The following SAMM50 variants were observed in gnomAD, a reference collection of about 807,000 sequenced individuals.
SAMM50 encodes the protein SAMM50 sorting and assembly machinery component, also known as sorting and assembly machinery component 50 homolog.
Under a neutral mutation model 66.9 loss-of-function variants are expected in SAMM50, and 47 were observed. The ratio of observed to expected loss-of-function variants is 0.70; its 90% confidence interval spans 0.56 to 0.90. The LOEUF (loss-of-function observed/expected upper bound fraction) is 0.90. Among genes scored for constraint, SAMM50 ranks in the 40% least tolerant of loss-of-function variants. The pLI, the probability that SAMM50 is intolerant of heterozygous loss-of-function variation, is 0.00. For missense variants in SAMM50, 535 were observed against 595.3 expected (o/e 0.90, Z 1.05); for synonymous variants, 191 against 214.1 (o/e 0.89, Z 0.94).
Position 43,983,743 on chromosome 22 carries a change from G to A in SAMM50, c.1008-190G>A, listed in dbSNP as rs545717112. 6.6e-6 allele frequency among the ~76,000 whole-genome samples: 1 copy of A among 152,272 alleles called. No homozygotes were observed. The highest frequency in any genetic ancestry group is 2.4e-5 in the African/African-American group (1 of 41,556). On this transcript the variant is annotated intron_variant, in intron 11 of 14. Coordinates refer to ENST00000350028, the MANE Select transcript of SAMM50 (RefSeq NM_015380.5). This position sits in a 1 kb window ranked among gnomAD's most constrained non-coding sequence, Gnocchi z 4.2. ...CAAAGTTTGCAGTGTCTCCTTAGATGTTGAGATTTTTATGAAATTCCCCTG... is the reference window on the plus strand; with the variant it reads ...CAAAGTTTGCAGTGTCTCCTTAGATATTGAGATTTTTATGAAATTCCCCTG...
chr22:43,974,193 C>T (rs900485919), intron 7 of SAMM50, among the ~76,000 whole-genome samples: 7 of 152,136 alleles, frequency 4.6e-5, no homozygotes, highest in African/African-American at 1.4e-4. Flanking sequence ...AATGCACATT[C>T]GCGGGCTCCA....
intron 10 of SAMM50, among the ~76,000 whole-genome samples, chr22:43,979,822 A>C (rs1391341189): frequency 1.3e-5 from 2 of 151,886 alleles, no homozygotes; most frequent in East Asian, 1.9e-4. Context: ...TTTGTTTCCC[A>C]GAAGGCATTG....
chr22:43,977,399 G>C (rs1350858847), intron 9 of SAMM50, among the ~76,000 whole-genome samples: 1 of 152,224 alleles, frequency 6.6e-6, no homozygotes, highest in Non-Finnish European at 1.5e-5. Context: ...GAACCTTGAG[G>C]CTTCCCCGAG....
chr22:43,963,898 TG>T (rs2050159759), intron 2 of SAMM50, among the ~76,000 whole-genome samples: 1 of 148,452 alleles, frequency 6.7e-6, no homozygotes, highest in South Asian at 2.1e-4. Flanking sequence ...AGTTTTGTTT[TG>T]TTTTTTTTAT....
intron 1 of SAMM50, among the ~76,000 whole-genome samples, chr22:43,960,418 G>T (rs2050141926): frequency 1.3e-5 from 2 of 152,150 alleles, no homozygotes; most frequent in Non-Finnish European, 2.9e-5. Context: ...GTACTTCCGA[G>T]GTGCCAGGGC....
Position 43,989,264 on chromosome 22 carries a change from C to T in SAMM50, c.1222+7C>T. ...CTCTGCAACCTCAACTATGGTAAAACTTGCGCTATTCAAGAAACCATTGTA... is the reference window on the plus strand; with the variant it reads ...CTCTGCAACCTCAACTATGGTAAAATTTGCGCTATTCAAGAAACCATTGTA... On this transcript the variant is annotated splice_region_variant and intron_variant, in intron 13 of 14. Coordinates refer to ENST00000350028, the MANE Select transcript of SAMM50 (RefSeq NM_015380.5). The T allele has an allele frequency of 1.2e-6, 2 of 1,613,618 alleles. No homozygotes were observed. The highest frequency in any genetic ancestry group is 1.7e-6 in the Non-Finnish European group (2 of 1,179,800).
chr22:43,974,809 C>T (rs2050222903), intron 7 of SAMM50: 1 of 152,280 alleles, frequency 6.6e-6, no homozygotes, highest in Non-Finnish European at 1.5e-5. Flanking sequence ...CCACCCTTCT[C>T]CCCAGTGTCA....
In SAMM50 at chr22:43,989,107, T is replaced by G; in HGVS notation, c.1076-4T>G. 6 of 1,612,382 alleles carry G rather than the reference T, an allele frequency of 3.7e-6. No individual in the cohort carries two copies. Among genetic ancestry groups the G allele is most frequent in the Non-Finnish European group, 5.1e-6 (6 of 1,179,422 alleles). ...TTTTTGTTCTGCACCCCTCCTTTGC[T>G]TAGGAGACTACCTAGGTGGAGAAGC... On this transcript the variant is annotated splice_region_variant and splice_polypyrimidine_tract_variant and intron_variant, in intron 12 of 14. Coordinates refer to ENST00000350028, the MANE Select transcript of SAMM50 (RefSeq NM_015380.5).
At chr22:43,981,497 A>T in intron 11 of SAMM50, 36 bp downstream of exon 11, 1 of 1,437,586 alleles carries the variant, frequency 7.0e-7, no homozygotes, top group Non-Finnish European at 9.8e-7. Flanking sequence ...ATTTGCACAT[A>T]TTTTCCTTTG....
intron 1 of SAMM50, chr22:43,963,035 C>G: frequency 4.0e-6 from 1 of 250,734 alleles, no homozygotes; most frequent in South Asian, 7.4e-5. Context: ...CTCCCCCTGC[C>G]CTTCCCTGTT....
chr22:43,983,884 G>A lies in SAMM50; in HGVS notation c.1008-49G>A, dbSNP rs370614016. 1.1e-5 allele frequency: 15 copies of A among 1,366,328 alleles called. No individual in the cohort carries two copies. Among genetic ancestry groups the A allele is most frequent in the Middle Eastern group, 1.8e-4 (1 of 5,564 alleles). 84.6% of individuals were successfully genotyped at this position (1,366,328 alleles called of 1,614,324 possible). A position where few individuals can be genotyped will look rare whatever the true frequency, so the allele number is the denominator to read the frequency against. ...TCCTACGCGTTCCGTGTGTCATGTC[G>A]TTTCTCACCTCCTGACTTTCCTCTG... On this transcript the variant is annotated intron_variant, in intron 11 of 14. Transcript: ENST00000350028. The surrounding 1 kb of genome is among the most constrained non-coding windows in gnomAD (Gnocchi z 4.2).
chr22:43,970,508 C>T (rs529865474), intron 4 of SAMM50, among the ~76,000 whole-genome samples: 2 of 152,290 alleles, frequency 1.3e-5, no homozygotes, highest in Admixed American at 6.5e-5. Context: ...GTGTTGTACA[C>T]GGCACTGCTC....
At chr22:43,958,574 G>T (rs953154309) in intron 1 of SAMM50, among the ~76,000 whole-genome samples, 2 of 146,232 alleles carry the variant, frequency 1.4e-5, no homozygotes, top group African/African-American at 5.1e-5. Context: ...TGCCTCCCGG[G>T]TTCAAGTGAT....
chr22:43,981,411 G>A lies in SAMM50; in HGVS notation c.957G>A (p.Trp319Ter). ...AACAGGTTTTTTCAGCGTCTTTCTG[G>A]GGCGGAATGTTGGTACCCATTGGTG... ...IFDSVFSASF[W>*]GGMLVPIGDK... The change falls in exon 11 of 15, where the codon TGG becomes TGA. Residue 319 changes from tryptophan (W) to a stop codon, truncating the protein, a stop_gained. Coordinates refer to ENST00000350028, the MANE Select transcript of SAMM50 (RefSeq NM_015380.5). LOFTEE classifies it high-confidence loss of function. 1 of 1,613,770 alleles carries A rather than the reference G, an allele frequency of 6.2e-7. No homozygotes were observed. Among genetic ancestry groups the A allele is most frequent in the Non-Finnish European group, 8.5e-7 (1 of 1,179,754 alleles).
chr22:43,957,887 T>A (rs2050128132), intron 1 of SAMM50, among the ~76,000 whole-genome samples: 1 of 152,178 alleles, frequency 6.6e-6, no homozygotes, highest in Non-Finnish European at 1.5e-5. Flanking sequence ...GCCTCCTGAA[T>A]AGCTGGGACC....
intron 8 of SAMM50, 36 bp from the exon 9 acceptor site, chr22:43,976,714 T>G: frequency 6.5e-7 from 1 of 1,528,218 alleles, no homozygotes; most frequent in Non-Finnish European, 9.1e-7. Flanking sequence ...ATAGAACTTC[T>G]TAAAGTGAAA....
intron 2 of SAMM50, among the ~76,000 whole-genome samples, chr22:43,963,801 CT>C (rs1403696606): frequency 6.6e-6 from 1 of 152,210 alleles, no homozygotes; most frequent in Non-Finnish European, 1.5e-5. Context: ...AGTTTACTCT[CT>C]AGCGAGACTG....
intron 10 of SAMM50, among the ~76,000 whole-genome samples, chr22:43,979,521 G>A (rs1054774950): frequency 2.6e-5 from 4 of 152,084 alleles, no homozygotes; most frequent in African/African-American, 4.8e-5. Context: ...CTGCTCATCC[G>A]CACTGAACCA....
In SAMM50 at chr22:43,976,161, A is replaced by G; in HGVS notation, c.755A>G (p.His252Arg). The change falls in exon 8 of 15, where the codon CAT (histidine) becomes CGT (arginine). Residue 252 changes from histidine to arginine, a missense_variant. Coordinates refer to ENST00000350028, the MANE Select transcript of SAMM50 (RefSeq NM_015380.5). ...TTTGCTGTTCGAAAAGAAAGCGGACATTCACTGAAATCATCTCTTTCGGTA... is the reference window on the plus strand; with the variant it reads ...TTTGCTGTTCGAAAAGAAAGCGGACGTTCACTGAAATCATCTCTTTCGGTA... ...ASFAVRKESG[H>R]SLKSSLSHAM... 6.2e-7 allele frequency: 1 copy of G among 1,606,302 alleles called. No homozygotes were observed. The highest frequency in any genetic ancestry group is 8.5e-7 in the Non-Finnish European group (1 of 1,173,644).
Sources: allele counts gnomAD v4.1 joint callset (sites outside exome capture counted in the v4.1 genomes callset), GRCh38; gene constraint gnomAD v4.1.1; non-coding constraint Gnocchi (gnomAD v3.1); transcripts MANE v1.5; gene names NCBI Gene and HGNC (gene_info 2026-07-23, HGNC 2026-07-21).